The following LRBA variants were observed in gnomAD, a reference collection of about 807,000 sequenced individuals.
LRBA encodes the protein lipopolysaccharide-responsive and beige-like anchor protein.
In LRBA, 176 loss-of-function variants were observed where a neutral mutation model predicts 330.0. The observed-to-expected ratio is 0.53, with a 90% CI of 0.47 to 0.60. The LOEUF (loss-of-function observed/expected upper bound fraction) is 0.60. Among genes scored for constraint, LRBA ranks in the 20% least tolerant of loss-of-function variants. The pLI, the probability that LRBA is intolerant of heterozygous loss-of-function variation, is 0.00. For synonymous variants in LRBA, 1,230 were observed against 1,193.0 expected, an observed-to-expected ratio of 1.03 and a Z score of -0.64; for missense variants, 3,259 against 3,444.8, an observed-to-expected ratio of 0.95 and a Z score of 1.35.
Position 151,014,697 on chromosome 4 carries a change from A to G in LRBA, c.-55T>C, listed in dbSNP as rs1745237539. ...GTCACCCTGGGACGGCAGTCGCTGC[A>G]CTGGTAATGAGCACAACACACGCAA... On this transcript the variant is annotated 5_prime_UTR_variant, in exon 2 of 57. Transcript: ENST00000651943. 8.3e-7 allele frequency: 1 copy of G among 1,209,514 alleles called. No homozygotes were observed. The highest frequency in any genetic ancestry group is 1.2e-6 in the Non-Finnish European group (1 of 850,304). The allele number at this position is 1,209,514 out of a possible 1,614,324, so 74.9% of individuals were successfully genotyped here.
chr4:150,726,233 A>T (rs1161789382), intron 36 of LRBA, among the ~76,000 whole-genome samples: 2 of 152,202 alleles, frequency 1.3e-5, no homozygotes, highest in African/African-American at 2.4e-5. Flanking sequence ...AGACCTAATG[A>T]TCTGTTGCTT....
chr4:150,638,998 A>G (rs1471871531), intron 37 of LRBA, among the ~76,000 whole-genome samples: 1 of 90,526 alleles, frequency 1.1e-5, no homozygotes, highest in African/African-American at 4.3e-5. Context: ...TGTGGCACAT[A>G]TACACCATGG....
chr4:150,473,627 C>T (rs1756396573), intron 42 of LRBA, among the ~76,000 whole-genome samples: 1 of 152,102 alleles, frequency 6.6e-6, no homozygotes, highest in Admixed American at 6.6e-5. Flanking sequence ...GGTTCTCTGT[C>T]CTTCACTTCT....
chr4:150,663,705 C>T (rs180857331), intron 37 of LRBA, among the ~76,000 whole-genome samples: 13 of 152,122 alleles, frequency 8.5e-5, no homozygotes, highest in Admixed American at 7.8e-4. Flanking sequence ...ATTAATGTTA[C>T]GGGCTTCTAC....
chr4:150,307,770 G>A (rs1175140100), intron 52 of LRBA, among the ~76,000 whole-genome samples: 3 of 151,950 alleles, frequency 2.0e-5, no homozygotes, highest in Non-Finnish European at 4.4e-5. Context: ...AGAAAAAAAA[G>A]ACATGTCCAA....
intron 37 of LRBA, among the ~76,000 whole-genome samples, chr4:150,672,675 A>G (rs1258153135): frequency 6.6e-6 from 1 of 152,076 alleles, no homozygotes; most frequent in Non-Finnish European, 1.5e-5. Flanking sequence ...TAAACACACA[A>G]TGCTATAGGA....
At chr4:150,975,533 C>CAA (rs562938295) in intron 2 of LRBA, among the ~76,000 whole-genome samples, 6 of 78,124 alleles carry the variant, frequency 7.7e-5, no homozygotes, top group African/African-American at 2.0e-4. Flanking sequence ...GACTCTATCT[C>CAA]AAAAAAAAAA....
intron 47 of LRBA, among the ~76,000 whole-genome samples, chr4:150,383,975 C>A (rs1174780790): frequency 6.6e-6 from 1 of 151,912 alleles, no homozygotes; most frequent in Non-Finnish European, 1.5e-5. Context: ...TTATAATATT[C>A]TATTGTTTAT....
Position 150,522,612 on chromosome 4 carries a change from C to A in LRBA, c.6331-31577G>T, listed in dbSNP as rs185852172. Among the ~76,000 whole-genome samples the A allele has an allele frequency of 3.9e-5, 6 of 152,326 alleles. No homozygotes were observed. The East Asian group carries it at 1.2e-3, about 29-fold the overall frequency. The stretch of plus-strand genomic sequence containing the variant: ...CCGTGGTAACTTGGGGCTCACCAAC[C>A]AGCACAGCTCAAGTCTCCGCTTCCC... On this transcript the variant is annotated intron_variant, in intron 40 of 56. Transcript: ENST00000651943.
intron 48 of LRBA, among the ~76,000 whole-genome samples, chr4:150,343,423 G>A (rs1291294126): frequency 6.6e-6 from 1 of 152,128 alleles, no homozygotes; most frequent in Admixed American, 6.6e-5. Context: ...TGAGCTCCAG[G>A]AGGGAACAGA....
At chr4:150,871,269 T>G in intron 19 of LRBA, 76 bp downstream of exon 19, 2 of 756,528 alleles carry the variant, frequency 2.6e-6, no homozygotes, top group Non-Finnish European at 4.6e-6. Flanking sequence ...ATAAATGATC[T>G]TATTTACCTA....
intron 2 of LRBA, among the ~76,000 whole-genome samples, chr4:150,975,774 C>G (rs148585812): frequency 6.6e-6 from 1 of 151,262 alleles, no homozygotes; most frequent in East Asian, 1.9e-4. Flanking sequence ...ACCTGAAAAA[C>G]AAAGAAAGAG....
At chr4:150,471,024 T>A (rs912948519) in intron 43 of LRBA, among the ~76,000 whole-genome samples, 3 of 152,166 alleles carry the variant, frequency 2.0e-5, no homozygotes. Flanking sequence ...CCCAATGAAC[T>A]GACGCTAACT....
intron 44 of LRBA, among the ~76,000 whole-genome samples, chr4:150,445,412 CAT>C (rs1561188894): frequency 2.7e-5 from 2 of 73,496 alleles, no homozygotes; most frequent in Non-Finnish European, 5.7e-5. Context: ...TATATATATA[CAT>C]ATATACACAC....
chr4:150,879,065 C>T (rs75674357), intron 17 of LRBA, among the ~76,000 whole-genome samples: 4 of 151,840 alleles, frequency 2.6e-5, no homozygotes, highest in Non-Finnish European at 5.9e-5. Context: ...AGAGACACAA[C>T]GAAAAAGAAA....
intron 38 of LRBA, among the ~76,000 whole-genome samples, chr4:150,592,621 G>A (rs1302336142): frequency 1.3e-5 from 2 of 152,052 alleles, no homozygotes; most frequent in Admixed American, 6.6e-5. Flanking sequence ...TCTAATTAAA[G>A]TGGCTTTATT....
intron 17 of LRBA, among the ~76,000 whole-genome samples, chr4:150,886,582 G>GA (rs764214539): frequency 3.3e-5 from 5 of 152,152 alleles, no homozygotes; most frequent in Non-Finnish European, 5.9e-5. Context: ...GATCGAAGGG[G>GA]AAAAACCAAA....
chr4:150,798,178 A>C (rs1741080204), intron 33 of LRBA, 36 bp from the exon 34 acceptor site: 1 of 1,352,266 alleles, frequency 7.4e-7, no homozygotes, highest in African/African-American at 1.4e-5. Context: ...GAAGTTATAA[A>C]GAAAACAAAT....
At chr4:150,452,367 G>A (rs1753450577) in intron 44 of LRBA, among the ~76,000 whole-genome samples, 1 of 152,070 alleles carries the variant, frequency 6.6e-6, no homozygotes, top group Non-Finnish European at 1.5e-5. Flanking sequence ...ACTTCTTATA[G>A]AAGGGAACTT....
Sources: gnomAD v4.1 joint callset for allele counts (sites outside exome capture counted in the v4.1 genomes callset) on GRCh38, gnomAD v4.1.1 for gene constraint, MANE v1.5 for transcripts, NCBI Gene and HGNC (gene_info 2026-07-23, HGNC 2026-07-21) for gene names.